The following ABHD6 variants were observed in gnomAD, a reference collection of about 807,000 sequenced individuals.
ABHD6 encodes the protein abhydrolase domain containing 6, acylglycerol lipase, also known as monoacylglycerol lipase ABHD6.
Under a neutral mutation model 38.8 loss-of-function variants are expected in ABHD6, and 33 were observed. That is an observed-to-expected ratio of 0.85 (90% CI 0.64 to 1.14). The LOEUF (loss-of-function observed/expected upper bound fraction) is 1.14, where lower values mean the gene tolerates loss of function less well. ABHD6 is among the 50% of genes most tolerant of loss of function. ABHD6 has a pLI of 0.00. For synonymous variants in ABHD6, 147 were observed against 161.6 expected, an observed-to-expected ratio of 0.91 and a Z score of 0.69; for missense variants, 380 against 422.6, an observed-to-expected ratio of 0.90 and a Z score of 0.88.
chr3:58,246,554 C>T (rs969438086), intron 1 of ABHD6, among the ~76,000 whole-genome samples: 2 of 152,186 alleles, frequency 1.3e-5, no homozygotes, highest in African/African-American at 4.8e-5. Flanking sequence ...ATTCTCTTTC[C>T]CACAGTGCTG....
chr3:58,282,560 C>T (rs955423956), intron 7 of ABHD6, among the ~76,000 whole-genome samples: 4 of 151,948 alleles, frequency 2.6e-5, no homozygotes, highest in Admixed American at 2.0e-4. Context: ...GGTGAAGCCC[C>T]ATCTCTACAA....
chr3:58,292,400 G>C (rs1310737694), intron 9 of ABHD6, among the ~76,000 whole-genome samples: 1 of 152,200 alleles, frequency 6.6e-6, no homozygotes, highest in Non-Finnish European at 1.5e-5. Flanking sequence ...GCTAAGAGAA[G>C]GGGAGTGAAT....
rs2097440339 is a variant in ABHD6 at position 58,265,528 on chromosome 3, C to T, written c.120-1661C>T. Among the ~76,000 whole-genome samples the T allele has an allele frequency of 6.6e-6, 1 of 152,128 alleles. No individual in the cohort carries two copies. The highest frequency in any genetic ancestry group is 1.5e-5 in the Non-Finnish European group (1 of 68,024). ...TACTGAATACTTACCATTTGCTGGGCATTGAACAAAACTTTGTACATGGAT... is the reference window on the plus strand; with the variant it reads ...TACTGAATACTTACCATTTGCTGGGTATTGAACAAAACTTTGTACATGGAT... On this transcript the variant is annotated intron_variant, in intron 3 of 9. Coordinates refer to ENST00000478253, the MANE Select transcript of ABHD6 (RefSeq NM_001320126.2). This position sits in a 1 kb window ranked among gnomAD's most constrained non-coding sequence, Gnocchi z 4.2.
At chr3:58,243,335 C>T (rs1315320482) in intron 1 of ABHD6, among the ~76,000 whole-genome samples, 2 of 152,100 alleles carry the variant, frequency 1.3e-5, no homozygotes, top group African/African-American at 4.8e-5. Context: ...TACAGTCCCG[C>T]CCAGCCAGTG....
chr3:58,292,864 T>G (rs992261362), intron 9 of ABHD6, among the ~76,000 whole-genome samples: 1 of 152,126 alleles, frequency 6.6e-6, no homozygotes, highest in Non-Finnish European at 1.5e-5. Flanking sequence ...TGCAGTGAGT[T>G]GAGATCACGC....
intron 9 of ABHD6, among the ~76,000 whole-genome samples, chr3:58,291,390 G>A (rs1328038447): frequency 1.3e-5 from 2 of 151,856 alleles, no homozygotes; most frequent in Non-Finnish European, 1.5e-5. Flanking sequence ...GAGGGAGACC[G>A]TGGGGAGAGG....
intron 5 of ABHD6, 61 bp from the exon 6 acceptor site, chr3:58,270,871 A>G: frequency 2.6e-6 from 4 of 1,524,816 alleles, no homozygotes; most frequent in Non-Finnish European, 2.6e-6. Context: ...TCTATGCTGT[A>G]GTCACCATTG....
At chr3:58,240,344 G>C (rs2097421947) in intron 1 of ABHD6, among the ~76,000 whole-genome samples, 1 of 151,694 alleles carries the variant, frequency 6.6e-6, no homozygotes, top group African/African-American at 2.4e-5. Context: ...CTCCCAAGTA[G>C]CTAGAACTAC....
At chr3:58,250,609 G>A (rs2097429268) in intron 2 of ABHD6, among the ~76,000 whole-genome samples, 1 of 152,016 alleles carries the variant, frequency 6.6e-6, no homozygotes, top group African/African-American at 2.4e-5. Context: ...GTGGCTGAGG[G>A]GAGCTGCGGT....
In ABHD6 at chr3:58,256,770, C is replaced by A; in HGVS notation, c.119+65C>A. ...AATATTGACATCTTCTCTGCTTGTCCTTTTTGTGGTTATTGTCCAACATTT... is the reference window on the plus strand; with the variant it reads ...AATATTGACATCTTCTCTGCTTGTCATTTTTGTGGTTATTGTCCAACATTT... On this transcript the variant is annotated intron_variant, in intron 3 of 9. Transcript: ENST00000478253. This position sits in a 1 kb window ranked among gnomAD's most constrained non-coding sequence, Gnocchi z 4.3. 7.7e-7 allele frequency: 1 copy of A among 1,295,086 alleles called. No individual in the cohort carries two copies. Among genetic ancestry groups the A allele is most frequent in the Non-Finnish European group, 1.1e-6 (1 of 908,572 alleles). The allele number at this position is 1,295,086 out of a possible 1,614,324, so 80.2% of individuals were successfully genotyped here. A position where few individuals can be genotyped will look rare whatever the true frequency, so the allele number is the denominator to read the frequency against.
At chr3:58,252,182 A>G (rs936082198) in intron 2 of ABHD6, among the ~76,000 whole-genome samples, 8 of 143,302 alleles carry the variant, frequency 5.6e-5, no homozygotes, top group South Asian at 4.3e-4. Context: ...GATTTTTGCT[A>G]TATTCATGTG....
chr3:58,257,343 G>T lies in ABHD6; in HGVS notation c.119+638G>T, dbSNP rs13318405. On this transcript the variant is annotated intron_variant, in intron 3 of 9. Transcript: ENST00000478253. The surrounding 1 kb of genome is among the most constrained non-coding windows in gnomAD (Gnocchi z 4.8). ...CATTGGTTGTTTTTGTTTGTTTGTT[G>T]GTTGGTTGGTTTTTTGGGTTTTTGT... is the stretch of plus-strand genomic sequence containing the variant. Among the ~76,000 whole-genome samples, 5,649 of 150,750 alleles carry T rather than the reference G, an allele frequency of 0.037. 334 individuals carry two copies. The highest frequency in any genetic ancestry group is 0.13 in the African/African-American group (5,206 of 41,002).
Position 58,267,089 on chromosome 3 carries a change from A to G in ABHD6, c.120-100A>G. On this transcript the variant is annotated intron_variant, in intron 3 of 9. Transcript: ENST00000478253. This position sits in a 1 kb window ranked among gnomAD's most constrained non-coding sequence, Gnocchi z 4.3. ...CAAGGGCTGGAGAAGTGTTTGTGTT[A>G]TCACTAAGGAAGACTTATAGAGAGG... 2 of 1,277,998 alleles carry G rather than the reference A, an allele frequency of 1.6e-6. No homozygotes were observed. Among genetic ancestry groups the G allele is most frequent in the Non-Finnish European group, 2.2e-6 (2 of 912,340 alleles). 79.2% of individuals were successfully genotyped at this position (1,277,998 alleles called of 1,614,324 possible).
intron 1 of ABHD6, among the ~76,000 whole-genome samples, chr3:58,240,189 C>T (rs1312249759): frequency 6.6e-6 from 1 of 151,908 alleles, no homozygotes; most frequent in Admixed American, 6.6e-5. Flanking sequence ...GAGTGTTTAT[C>T]CTAGTAGGCT....
Position 58,267,253 on chromosome 3 carries a change from T to C in ABHD6, c.184T>C (p.Tyr62His). The change falls in exon 4 of 10, where the codon TAT becomes CAT. Residue 62 changes from tyrosine (Y) to histidine (H), a missense_variant. By Grantham distance (83) the Tyr-to-His change is moderately conservative (BLOSUM62 2). Coordinates refer to ENST00000478253, the MANE Select transcript of ABHD6 (RefSeq NM_001320126.2). This position sits in a 1 kb window ranked among gnomAD's most constrained non-coding sequence, Gnocchi z 4.3. The stretch of plus-strand genomic sequence containing the variant: ...TCACCATGAAGACTATCAGTTCTGT[T>C]ATTCCTTCCGGGGCAGGCCTGGGCA... ...YVHHEDYQFC[Y>H]SFRGRPGHKP... 1 of 1,614,212 alleles carries C rather than the reference T, an allele frequency of 6.2e-7. No homozygotes were observed. The highest frequency in any genetic ancestry group is 8.5e-7 in the Non-Finnish European group (1 of 1,180,024).
intron 7 of ABHD6, among the ~76,000 whole-genome samples, 155 bp downstream of exon 7, chr3:58,274,970 C>T (rs1422642488): frequency 2.0e-5 from 3 of 152,224 alleles, no homozygotes; most frequent in Non-Finnish European, 4.4e-5. Flanking sequence ...GCCTGCAACA[C>T]GCTGGGCACT....
At position 58,273,680 on chromosome 3, in the gene ABHD6, G is replaced by C. The variant is rs929160793; in HGVS notation, c.524-978G>C. 6.6e-6 allele frequency among the ~76,000 whole-genome samples: 1 copy of C among 152,102 alleles called. No homozygotes were observed. Among genetic ancestry groups the C allele is most frequent in the Non-Finnish European group, 1.5e-5 (1 of 68,016 alleles). On this transcript the variant is annotated intron_variant, in intron 6 of 9. Coordinates refer to ENST00000478253, the MANE Select transcript of ABHD6 (RefSeq NM_001320126.2). This position sits in a 1 kb window ranked among gnomAD's most constrained non-coding sequence, Gnocchi z 4.8. Reference sequence around the variant, plus strand: ...ATAAGTGCGAGTTGAACAGTGAGAAGACATGGACACAGAAAGGGGAACATC... The same window carrying C: ...ATAAGTGCGAGTTGAACAGTGAGAACACATGGACACAGAAAGGGGAACATC...
chr3:58,268,360 CT>C (rs2097442552), intron 4 of ABHD6, among the ~76,000 whole-genome samples: 1 of 152,130 alleles, frequency 6.6e-6, no homozygotes, highest in Non-Finnish European at 1.5e-5. Flanking sequence ...TCTTCTACGT[CT>C]GCTTTTTTCT....
rs770573339 is a variant in ABHD6 at position 58,256,673 on chromosome 3, G to A, written c.87G>A (p.Leu29=). 71 of 1,613,272 alleles carry A rather than the reference G, an allele frequency of 4.4e-5. No individual in the cohort carries two copies. The highest frequency in any genetic ancestry group is 1.7e-4 in the Admixed American group (10 of 59,998). Residue 29 remains leucine (L), a synonymous_variant, in exon 3 of 10, where the codon CTG becomes CTA. Coordinates refer to ENST00000478253, the MANE Select transcript of ABHD6 (RefSeq NM_001320126.2). This position sits in a 1 kb window ranked among gnomAD's most constrained non-coding sequence, Gnocchi z 4.3. ...PILAFVASFL[L]WPSALIRIYY... ...TGGCATTTGTGGCTTCATTTCTTCT[G>A]TGGCCTTCAGCACTGATAAGAATCT...
Sources: allele counts gnomAD v4.1 joint callset (sites outside exome capture counted in the v4.1 genomes callset), GRCh38; gene constraint gnomAD v4.1.1; non-coding constraint Gnocchi (gnomAD v3.1); transcripts MANE v1.5; gene names NCBI Gene and HGNC (gene_info 2026-07-23, HGNC 2026-07-21).